FHOD3: variants seen among roughly 807,000 people sequenced by gnomAD.
The protein encoded by FHOD3 is FH1/FH2 domain-containing protein 3.
A neutral mutation model predicts 173.0 loss-of-function variants in FHOD3; 90 were observed. That is an observed-to-expected ratio of 0.52 (90% CI 0.44 to 0.62). FHOD3 has a LOEUF of 0.62. FHOD3 is among the 20% of genes least tolerant of loss of function. The pLI is 0.00. For missense variants in FHOD3, 1,945 were observed against 2,034.7 expected, an observed-to-expected ratio of 0.96 and a Z score of 0.85; for synonymous variants, 828 against 823.0, an observed-to-expected ratio of 1.01 and a Z score of -0.10.
intron 3 of FHOD3, among the ~76,000 whole-genome samples, chr18:36,392,078 C>A (rs997026218): frequency 6.6e-6 from 1 of 152,142 alleles, no homozygotes; most frequent in African/African-American, 2.4e-5. Context: ...TTGGAGCTGG[C>A]CCTCCTGGTT....
intron 4 of FHOD3, among the ~76,000 whole-genome samples, chr18:36,506,331 C>G (rs545218067): frequency 3.5e-4 from 53 of 152,226 alleles, no homozygotes; most frequent in African/African-American, 1.3e-3. Flanking sequence ...GAAGGATGTT[C>G]AGCATGAAGG....
At position 36,595,036 on chromosome 18, in the gene FHOD3, T is replaced by G. The variant is rs2030086007; in HGVS notation, c.718+138T>G. The G allele has an allele frequency of 6.6e-6, 4 of 602,290 alleles. No homozygotes were observed. The South Asian group carries it at 9.0e-5, about 14-fold the overall frequency. The allele number at this position is 602,290 out of a possible 1,614,324, so 37.3% of individuals were successfully genotyped here. Reference sequence around the variant, plus strand: ...TGGACTTCCCACTGCAAGAAACGTTTTTTAGGATAGTAAGCACACAAAGCT... The same window carrying G: ...TGGACTTCCCACTGCAAGAAACGTTGTTTAGGATAGTAAGCACACAAAGCT... On this transcript the variant is annotated intron_variant, in intron 7 of 28. Coordinates refer to ENST00000590592, the MANE Select transcript of FHOD3 (RefSeq NM_001281740.3).
intron 4 of FHOD3, among the ~76,000 whole-genome samples, chr18:36,503,363 T>C (rs2055138402): frequency 6.6e-6 from 1 of 152,218 alleles, no homozygotes; most frequent in Non-Finnish European, 1.5e-5. Context: ...AAGATTATCT[T>C]TGTCAGCGAT....
rs984103062 is a variant in FHOD3, at chr18:36,652,656, G to C, written c.1373G>C (p.Ser458Thr). The change falls in exon 12 of 29, where the codon AGC becomes ACC. Residue 458 changes from serine to threonine, a missense_variant. Transcript: ENST00000590592. ...SSALPAVSNA[S>T]SQGKPLLVGT... ...GCCCTCCCTGCTGTCTCGAATGCCA[G>C]CTCGCAGGGAAAGCCGCTTCTGGTT... 7.2e-6 allele frequency: 11 copies of C among 1,535,616 alleles called. No homozygotes were observed. The South Asian group carries it at 8.3e-5, about 12-fold the overall frequency.
intron 2 of FHOD3, among the ~76,000 whole-genome samples, chr18:36,366,011 G>T (rs1234346709): frequency 6.6e-6 from 1 of 152,026 alleles, no homozygotes; most frequent in Non-Finnish European, 1.5e-5. Context: ...TTCCACCTGG[G>T]TCCCCTGTGT....
chr18:36,477,761 C>G, intron 3 of FHOD3, among the ~76,000 whole-genome samples: 1 of 152,122 alleles, frequency 6.6e-6, no homozygotes, highest in African/African-American at 2.4e-5. Flanking sequence ...ATGCTACAAT[C>G]CAATTAAAGG....
chr18:36,678,061 TGG>T (rs879745964), intron 14 of FHOD3, among the ~76,000 whole-genome samples: 176 of 152,338 alleles, frequency 1.2e-3, no homozygotes, highest in Non-Finnish European at 1.8e-3. Context: ...TAGGTTTTCT[TGG>T]ATTATCTTTA....
At chr18:36,732,722 C>T (rs558604248) in intron 20 of FHOD3, among the ~76,000 whole-genome samples, 21 of 152,240 alleles carry the variant, frequency 1.4e-4, no homozygotes, top group East Asian at 3.9e-4. Context: ...GTTGCCAGAT[C>T]GCAGGAAGGG....
At chr18:36,430,458 C>T (rs185194903) in intron 3 of FHOD3, among the ~76,000 whole-genome samples, 19 of 152,306 alleles carry the variant, frequency 1.2e-4, no homozygotes, top group Admixed American at 5.9e-4. Flanking sequence ...TCAGGTGATC[C>T]GCCTGCCTCG....
chr18:36,775,111 T>C (rs936052029), intron 28 of FHOD3, among the ~76,000 whole-genome samples: 1 of 152,166 alleles, frequency 6.6e-6, no homozygotes, highest in Non-Finnish European at 1.5e-5. Context: ...CCACAAGACA[T>C]GGACATTTAA....
chr18:36,642,633 A>C (rs2148998801), intron 10 of FHOD3, among the ~76,000 whole-genome samples: 1 of 151,136 alleles, frequency 6.6e-6, no homozygotes, highest in Non-Finnish European at 1.5e-5. Flanking sequence ...AATTGTACAG[A>C]GTTGGGTTAA....
In FHOD3 at chr18:36,730,630, C is replaced by T; in HGVS notation, c.3418-16C>T. 6.2e-7 allele frequency: 1 copy of T among 1,607,564 alleles called. No individual in the cohort carries two copies. The highest frequency in any genetic ancestry group is 8.5e-7 in the Non-Finnish European group (1 of 1,177,574). Reference sequence around the variant, plus strand: ...GATGATGCATTAATCTTGGATTCTCCTTTTTTATCACTAAGAAAACTGCTG... The same window carrying T: ...GATGATGCATTAATCTTGGATTCTCTTTTTTTATCACTAAGAAAACTGCTG... On this transcript the variant is annotated splice_polypyrimidine_tract_variant and intron_variant, in intron 19 of 28. Coordinates refer to ENST00000590592, the MANE Select transcript of FHOD3 (RefSeq NM_001281740.3).
At chr18:36,702,503 A>T (rs1391348937) in intron 17 of FHOD3, among the ~76,000 whole-genome samples, 2 of 152,314 alleles carry the variant, frequency 1.3e-5, no homozygotes, top group East Asian at 1.9e-4. Context: ...CGTGTTAGTT[A>T]TTAGCTCTGA....
intron 3 of FHOD3, among the ~76,000 whole-genome samples, chr18:36,381,083 C>G (rs553341015): frequency 1.2e-3 from 181 of 152,350 alleles, no homozygotes; most frequent in Non-Finnish European, 1.9e-3. Context: ...CCCTTCTCTA[C>G]AGATACAATT....
chr18:36,508,847 C>T lies in FHOD3; in HGVS notation c.406-3591C>T, dbSNP rs78542018. Among the ~76,000 whole-genome samples, 890 of 152,256 alleles carry T rather than the reference C, an allele frequency of 5.8e-3. 4 individuals are homozygous for T. The highest frequency in any genetic ancestry group is 0.02 in the African/African-American group (844 of 41,548). The stretch of plus-strand genomic sequence containing the variant: ...AGTAACAGAATGAGAATATTACCAT[C>T]CATCAGCCTCTAATGAATGATTTAA... On this transcript the variant is annotated intron_variant, in intron 4 of 28. Transcript: ENST00000590592.
intron 3 of FHOD3, among the ~76,000 whole-genome samples, chr18:36,496,742 C>T (rs2054766460): frequency 6.6e-6 from 1 of 152,112 alleles, no homozygotes; most frequent in African/African-American, 2.4e-5. Context: ...TAATGCATAA[C>T]ATTTGTTAAA....
intron 1 of FHOD3, among the ~76,000 whole-genome samples, chr18:36,334,978 C>G (rs1203561114): frequency 1.3e-5 from 2 of 152,188 alleles, no homozygotes; most frequent in Non-Finnish European, 2.9e-5. Context: ...CTGTGTGCCC[C>G]TTTCTTTTAG....
At chr18:36,580,377 C>T (rs1009207852) in intron 6 of FHOD3, among the ~76,000 whole-genome samples, 10 of 152,216 alleles carry the variant, frequency 6.6e-5, no homozygotes, top group African/African-American at 2.4e-5. Flanking sequence ...CTGTGTTCTG[C>T]ACTGTGCTGG....
At chr18:36,446,479 G>A (rs2051484256) in intron 3 of FHOD3, among the ~76,000 whole-genome samples, 1 of 151,712 alleles carries the variant, frequency 6.6e-6, no homozygotes, top group South Asian at 2.1e-4. Flanking sequence ...AGAGAGGTCA[G>A]GCCTAATTCC....
Sources: gnomAD v4.1 joint callset for allele counts (sites outside exome capture counted in the v4.1 genomes callset) on GRCh38, gnomAD v4.1.1 for gene constraint, MANE v1.5 for transcripts, NCBI Gene and HGNC (gene_info 2026-07-23, HGNC 2026-07-21) for gene names.